EFHC1: variants seen among roughly 807,000 people sequenced by gnomAD.
EFHC1 encodes the protein EF-hand domain-containing protein 1.
Under a neutral mutation model 69.9 loss-of-function variants are expected in EFHC1, and 53 were observed. The observed-to-expected ratio is 0.76, with a 90% CI of 0.61 to 0.95. EFHC1 has a LOEUF of 0.95. Ranked by LOEUF, EFHC1 falls within the 40% of genes least tolerant of loss-of-function variation. The pLI is 0.00. For missense variants in EFHC1, 739 were observed against 798.7 expected (o/e 0.93, Z 0.90); for synonymous variants, 256 against 278.4 (o/e 0.92, Z 0.80).
At chr6:52,439,421 C>G (rs1281528499) in intron 3 of EFHC1, among the ~76,000 whole-genome samples, 2 of 152,082 alleles carry the variant, frequency 1.3e-5, no homozygotes, top group African/African-American at 4.8e-5. Flanking sequence ...TGCATGCCTG[C>G]TTTGTTCCAT....
rs1765558451 is a variant in EFHC1, at chr6:52,477,053, T to G, written c.1279-1984T>G. 1.3e-5 allele frequency among the ~76,000 whole-genome samples: 2 copies of G among 152,090 alleles called. 1 individual carries two copies. Among genetic ancestry groups the G allele is most frequent in the South Asian group, 4.1e-4 (2 of 4,828 alleles). On this transcript the variant is annotated intron_variant, in intron 7 of 10. Transcript: ENST00000371068. ...CCTCATTCCCAATAAAGACAATAATTTTTTTAAAGTTTTATAGTACTCTTT... is the reference window on the plus strand; with the variant it reads ...CCTCATTCCCAATAAAGACAATAATGTTTTTAAAGTTTTATAGTACTCTTT...
At chr6:52,437,741 A>C (rs1014796072) in intron 2 of EFHC1, 4 of 154,550 alleles carry the variant, frequency 2.6e-5, no homozygotes, top group African/African-American at 7.2e-5. Flanking sequence ...CTTCTAAGGC[A>C]ACCAGTTCTA....
intron 2 of EFHC1, among the ~76,000 whole-genome samples, chr6:52,431,988 T>TTGTTTTGTC (rs2113973507): frequency 6.6e-6 from 1 of 152,282 alleles, no homozygotes; most frequent in Admixed American, 6.5e-5. Context: ...GCTTTAAAGT[T>TTGTTTTGTC]TGTTTTGTCT....
At chr6:52,445,100 A>G (rs1764750835) in intron 3 of EFHC1, among the ~76,000 whole-genome samples, 1 of 145,832 alleles carries the variant, frequency 6.9e-6, no homozygotes, top group African/African-American at 2.6e-5. Flanking sequence ...TGTTTATAGT[A>G]TTTTCTGATG....
Position 52,469,398 on chromosome 6 carries a change from T to C in EFHC1, c.1203T>C (p.Ile401=). 1 of 1,613,982 alleles carries C rather than the reference T, an allele frequency of 6.2e-7. No homozygotes were observed. Among genetic ancestry groups the C allele is most frequent in the Non-Finnish European group, 8.5e-7 (1 of 1,179,940 alleles). ...EDSAQNCFAL[I]PKAPKKDVIK... ...CTGCTCAGAATTGTTTTGCTCTCATTCCAAAAGCTCCAAAAAAAGACGTTA... is the reference window on the plus strand; with the variant it reads ...CTGCTCAGAATTGTTTTGCTCTCATCCCAAAAGCTCCAAAAAAAGACGTTA... Residue 401 remains isoleucine, a synonymous_variant, in exon 7 of 11, where the codon ATT becomes ATC. Transcript: ENST00000371068.
chr6:52,440,072 T>C (rs1764626729), intron 3 of EFHC1, among the ~76,000 whole-genome samples: 1 of 152,144 alleles, frequency 6.6e-6, no homozygotes, highest in African/African-American at 2.4e-5. Context: ...CTATTTATAG[T>C]CGGTTCTCAT....
intron 2 of EFHC1, among the ~76,000 whole-genome samples, chr6:52,431,903 G>A (rs1764423757): frequency 6.6e-6 from 1 of 152,056 alleles, no homozygotes; most frequent in Admixed American, 6.6e-5. Context: ...ATATATTTAG[G>A]ATTATGACAT....
intron 9 of EFHC1, chr6:52,482,695 G>A (rs1765706248): frequency 2.5e-6 from 1 of 397,238 alleles, no homozygotes; most frequent in Non-Finnish European, 4.4e-6. Flanking sequence ...AAATATCTCT[G>A]AGAGTTCTTT....
At position 52,471,185 on chromosome 6, in the gene EFHC1, T is replaced by C. The variant is rs1030773330; in HGVS notation, c.1278+1712T>C. 3.9e-5 allele frequency among the ~76,000 whole-genome samples: 6 copies of C among 152,192 alleles called. No homozygotes were observed. In the South Asian group the frequency reaches 6.2e-4, roughly 16 times the overall value. ...GAAGACCCACCTGTGAGGACAAACATTGGAATCTATTTAGGGCCTGTCAAA... is the reference window on the plus strand; with the variant it reads ...GAAGACCCACCTGTGAGGACAAACACTGGAATCTATTTAGGGCCTGTCAAA... On this transcript the variant is annotated intron_variant, in intron 7 of 10. Transcript: ENST00000371068.
At chr6:52,475,789 C>G (rs186650568) in intron 7 of EFHC1, among the ~76,000 whole-genome samples, 243 of 152,262 alleles carry the variant, frequency 1.6e-3, no homozygotes, top group Non-Finnish European at 2.6e-3. Flanking sequence ...ACCAAAGGTA[C>G]AGTGGAGAAC....
In EFHC1 at chr6:52,423,971, C is replaced by T. The variant is rs200435907; in HGVS notation, c.89C>T (p.Thr30Met). ...AAAACAGCCTTCCACAGAAGTCAGA[C>T]GCTGAGCTACAGGAACGGCTATGCA... is the stretch of plus-strand genomic sequence containing the variant. ...STKTAFHRSQTLSYRNGYAIV... is the reference protein window; with the variant it reads ...STKTAFHRSQMLSYRNGYAIV... The change falls in exon 2 of 11, where the codon ACG (threonine) becomes ATG (methionine). Residue 30 changes from threonine to methionine, a missense_variant. By Grantham distance (81) the Thr-to-Met change is moderately conservative (BLOSUM62 -1). Transcript: ENST00000371068. The T allele has an allele frequency of 1.1e-4, 172 of 1,613,998 alleles. No homozygotes were observed. The highest frequency in any genetic ancestry group is 5.8e-4 in the East Asian group (26 of 44,868).
intron 9 of EFHC1, 90 bp from the exon 10 acceptor site, chr6:52,490,050 C>A: frequency 8.2e-7 from 1 of 1,220,208 alleles, no homozygotes; most frequent in Non-Finnish European, 1.2e-6. Flanking sequence ...AGAAGCTTCC[C>A]TGATTTCATC....
intron 3 of EFHC1, among the ~76,000 whole-genome samples, chr6:52,450,987 A>T (rs1283072257): frequency 2.0e-5 from 3 of 151,920 alleles, no homozygotes; most frequent in African/African-American, 7.3e-5. Flanking sequence ...TTTAGCAGAG[A>T]CTGGGTTTCA....
At chr6:52,473,177 T>A (rs1267069564) in intron 7 of EFHC1, among the ~76,000 whole-genome samples, 2 of 152,128 alleles carry the variant, frequency 1.3e-5, no homozygotes, top group Non-Finnish European at 2.9e-5. Flanking sequence ...AACATGTTAT[T>A]GGTGCAAGGA....
rs984228772 is a variant in EFHC1 at position 52,494,500 on chromosome 6, T to C, written c.*2159T>C. ...ACCAGAGAAAAAGGGCAAAGTCTTA[T>C]TTCTGTGGCTAGTAATGTCGTAATG... On this transcript the variant is annotated 3_prime_UTR_variant, in exon 11 of 11. Transcript: ENST00000371068. 5 of 454,046 alleles carry C rather than the reference T, an allele frequency of 1.1e-5. No individual in the cohort carries two copies. Among genetic ancestry groups the C allele is most frequent in the African/African-American group, 2.0e-5 (1 of 50,020 alleles). 28.1% of individuals were successfully genotyped at this position (454,046 alleles called of 1,614,324 possible). A position where few individuals can be genotyped will look rare whatever the true frequency, so the allele number is the denominator to read the frequency against.
intron 3 of EFHC1, among the ~76,000 whole-genome samples, chr6:52,443,525 C>A (rs1219539257): frequency 1.3e-5 from 2 of 152,146 alleles, no homozygotes; most frequent in African/African-American, 4.8e-5. Context: ...GTTTTCCCAG[C>A]ACCATTTATT....
rs971759703 is a variant in EFHC1 at position 52,496,208 on chromosome 6, C to CCA, written c.*3884_*3885dup. The CCA allele has an allele frequency of 0.012, 1,251 of 107,492 alleles. 26 individuals carry two copies. The highest frequency in any genetic ancestry group is 0.033 in the African/African-American group (1,077 of 32,536). 6.7% of individuals were successfully genotyped at this position (107,492 alleles called of 1,614,324 possible). A position where few individuals can be genotyped will look rare whatever the true frequency, so the allele number is the denominator to read the frequency against. ...GAAAGATTCTAATACACACACACAC[C>CCA]CACACACACACACACACAAAGAGAG... On this transcript the variant is annotated 3_prime_UTR_variant, in exon 11 of 11. Coordinates refer to ENST00000371068, the MANE Select transcript of EFHC1 (RefSeq NM_018100.4).
At chr6:52,455,491 A>G (rs1036709768) in intron 5 of EFHC1, among the ~76,000 whole-genome samples, 1 of 152,028 alleles carries the variant, frequency 6.6e-6, no homozygotes, top group East Asian at 1.9e-4. Context: ...CATCTCTACT[A>G]AAAATACAAA....
chr6:52,472,482 T>C (rs1765458699), intron 7 of EFHC1, among the ~76,000 whole-genome samples: 1 of 152,130 alleles, frequency 6.6e-6, no homozygotes, highest in African/African-American at 2.4e-5. Context: ...GGGAAGTCAA[T>C]ATACAAATAG....
Sources: allele counts gnomAD v4.1 joint callset (sites outside exome capture counted in the v4.1 genomes callset), GRCh38; gene constraint gnomAD v4.1.1; transcripts MANE v1.5; gene names NCBI Gene and HGNC (gene_info 2026-07-23, HGNC 2026-07-21).